Variants in PDXDC1 observed in about 807,000 individuals in gnomAD.
The protein encoded by PDXDC1 is pyridoxal dependent decarboxylase domain containing 1, also known as pyridoxal-dependent decarboxylase domain-containing protein 1.
In PDXDC1, 42 loss-of-function variants were observed where a neutral mutation model predicts 100.1. That is an observed-to-expected ratio of 0.42 (90% CI 0.33 to 0.54). The LOEUF is 0.54. PDXDC1 is among the 20% of genes least tolerant of loss of function. The pLI, the probability that PDXDC1 is intolerant of heterozygous loss-of-function variation, is 0.10. For missense variants in PDXDC1, 636 were observed against 979.2 expected (o/e 0.65, Z 4.68); for synonymous variants, 260 against 371.7 (o/e 0.70, Z 3.46).
At chr16:15,131,637 T>A (rs1159454042) in intron 16 of PDXDC1, 1 of 1,592,432 alleles carries the variant, frequency 6.3e-7, no homozygotes. Context: ...CCATCCGCGA[T>A]GGTGACTCGG....
the PDXDC1 span, among the ~76,000 whole-genome samples, chr16:15,148,919 C>T: frequency 1.3e-5 from 2 of 152,176 alleles, no homozygotes; most frequent in African/African-American, 4.8e-5. Context: ...TTCTTGTCCA[C>T]ATTTTTGTCC....
intron 16 of PDXDC1, among the ~76,000 whole-genome samples, chr16:15,065,988 T>C (rs1294784572): frequency 2.0e-5 from 3 of 152,370 alleles, no homozygotes; most frequent in Admixed American, 6.5e-5. Flanking sequence ...TTTTTAATTT[T>C]TCCAGTAGTT....
intron 16 of PDXDC1, chr16:15,132,818 G>C (rs1227736748): frequency 3.5e-6 from 5 of 1,421,616 alleles, no homozygotes; most frequent in Non-Finnish European, 3.9e-6. Context: ...GCGTATCTGG[G>C]CTCGGCGCTG....
At chr16:15,065,504 C>T in intron 16 of PDXDC1, 1 of 658,786 alleles carries the variant, frequency 1.5e-6, no homozygotes, top group African/African-American at 1.8e-5. Flanking sequence ...GTAAAAATAA[C>T]AATATAAAGC....
chr16:15,028,072 A>G (rs2042759609), intron 14 of PDXDC1, among the ~76,000 whole-genome samples: 1 of 152,256 alleles, frequency 6.6e-6, no homozygotes, highest in Admixed American at 6.5e-5. Context: ...CGGTCGAACA[A>G]AGGCCAGGCT....
At chr16:15,148,123 G>C in the PDXDC1 span, among the ~76,000 whole-genome samples, 1 of 151,438 alleles carries the variant, frequency 6.6e-6, no homozygotes, top group Non-Finnish European at 1.5e-5. Flanking sequence ...CAACTAGCTG[G>C]GACTACAGGC....
In PDXDC1 at chr16:15,132,967, G is replaced by A. The variant is rs535566249; in HGVS notation, c.1400-5912G>A. On this transcript the variant is annotated intron_variant, in intron 16 of 16. Coordinates refer to the PDXDC1 transcript ENST00000535621. ...CACGACTCCCGGGGTGCAGTTACGTGCTAGATGCTGTGTGATGTGGGCATT... is the reference window on the plus strand; with the variant it reads ...CACGACTCCCGGGGTGCAGTTACGTACTAGATGCTGTGTGATGTGGGCATT... 27 of 1,556,484 alleles carry A rather than the reference G, an allele frequency of 1.7e-5. No individual in the cohort carries two copies. The East Asian group carries it at 4.5e-4, about 26-fold the overall frequency.
intron 16 of PDXDC1, among the ~76,000 whole-genome samples, chr16:15,100,994 G>A (rs957990409): frequency 3.3e-5 from 5 of 152,082 alleles, no homozygotes; most frequent in Non-Finnish European, 7.3e-5. Context: ...ATTAATTAAT[G>A]GAAGAAAGAA....
At chr16:14,984,848 G>A (rs4985169) in intron 1 of PDXDC1, among the ~76,000 whole-genome samples, 12,564 of 148,764 alleles carry the variant, frequency 0.084, 250 homozygotes, top group Admixed American at 0.18. Flanking sequence ...GAGGAAAAGT[G>A]TTGATTCGTG....
the PDXDC1 span, among the ~76,000 whole-genome samples, chr16:15,147,931 C>A: frequency 6.6e-6 from 1 of 152,068 alleles, no homozygotes; most frequent in Non-Finnish European, 1.5e-5. Flanking sequence ...GTGATCCCCC[C>A]ACCTTGGCCT....
At chr16:15,127,356 C>G (rs1185849905) in intron 16 of PDXDC1, 10 of 739,730 alleles carry the variant, frequency 1.4e-5, no homozygotes, top group Admixed American at 8.1e-5. Flanking sequence ...TCCCGAGCAG[C>G]CTTTGGTGGA....
chr16:15,077,731 A>G (rs1287427788), intron 16 of PDXDC1, among the ~76,000 whole-genome samples: 1 of 152,154 alleles, frequency 6.6e-6, no homozygotes, highest in Admixed American at 6.6e-5. Flanking sequence ...ATCCCAGCTA[A>G]TCAGGAGGCT....
chr16:15,132,768 T>C (rs1311800088), intron 16 of PDXDC1: 11 of 1,173,666 alleles, frequency 9.4e-6, no homozygotes, highest in African/African-American at 1.5e-5. Flanking sequence ...TCATCCACAG[T>C]GTGGACCCTC....
intron 1 of PDXDC1, among the ~76,000 whole-genome samples, chr16:14,984,153 C>G (rs1386621147): frequency 2.0e-5 from 3 of 151,958 alleles, no homozygotes; most frequent in Admixed American, 6.6e-5. Context: ...CAGAGTGAGA[C>G]CCTGTCTCAG....
chr16:15,094,523 G>T, intron 16 of PDXDC1: 1 of 502,958 alleles, frequency 2.0e-6, no homozygotes, highest in Non-Finnish European at 3.5e-6. Flanking sequence ...CACCCTGGAT[G>T]TGCTAAGCTG....
chr16:14,983,174 TGAAAC>T (rs1212246248), intron 1 of PDXDC1, among the ~76,000 whole-genome samples: 2 of 152,288 alleles, frequency 1.3e-5, no homozygotes, highest in Non-Finnish European at 2.9e-5. Context: ...AAAACTTTGT[TGAAAC>T]GAAAGTATTA....
rs1597671389 is a variant in PDXDC1, at chr16:15,031,974, C to G, written c.1571+68C>G. On this transcript the variant is annotated intron_variant, in intron 17 of 22. Coordinates refer to ENST00000396410, the MANE Select transcript of PDXDC1 (RefSeq NM_015027.4). ...ATAAAGAACATGAGTGGGTCATTTT[C>G]TGAACCACCTTAGAAATCCAAGATG... The G allele has an allele frequency of 5.4e-6, 7 of 1,296,920 alleles. No homozygotes were observed. In the South Asian group the frequency reaches 9.2e-5, roughly 17 times the overall value. The allele number at this position is 1,296,920 out of a possible 1,614,324, so 80.3% of individuals were successfully genotyped here.
Position 15,017,367 on chromosome 16 carries a change from T to G in PDXDC1, c.908T>G (p.Leu303Arg), listed in dbSNP as rs770750149. The change falls in exon 11 of 23, where the codon CTG becomes CGG. Residue 303 changes from leucine (L) to arginine (R), a missense_variant. By Grantham distance (102) the Leu-to-Arg change is moderately radical. Coordinates refer to ENST00000396410, the MANE Select transcript of PDXDC1 (RefSeq NM_015027.4). Reference protein sequence around the residue: ...DSMTMTPGPWLGLPAVPAVTL... With the variant: ...DSMTMTPGPWRGLPAVPAVTL... ...ATGACGATGACTCCTGGCCCGTGGC[T>G]GGGTTTGCCAGCTGTTCCTGCGGTG... 6.2e-7 allele frequency: 1 copy of G among 1,614,204 alleles called. No homozygotes were observed. Among genetic ancestry groups the G allele is most frequent in the South Asian group, 1.1e-5 (1 of 91,080 alleles).
intron 16 of PDXDC1, among the ~76,000 whole-genome samples, chr16:15,030,814 ATGTCT>A (rs992685223): frequency 3.3e-5 from 5 of 151,756 alleles, no homozygotes; most frequent in African/African-American, 1.2e-4. Context: ...CTATATTTTG[ATGTCT>A]TGTGACTCTC....
Sources: allele counts gnomAD v4.1 joint callset (sites outside exome capture counted in the v4.1 genomes callset), GRCh38; gene constraint gnomAD v4.1.1; transcripts MANE v1.5; gene names NCBI Gene and HGNC (gene_info 2026-07-23, HGNC 2026-07-21).